CSMD1: variants seen among roughly 807,000 people sequenced by gnomAD.
CSMD1 encodes CUB and sushi domain-containing protein 1.
CSMD1 carries 213 observed loss-of-function variants against 417.5 expected under a neutral mutation model. The ratio of observed to expected loss-of-function variants is 0.51; its 90% confidence interval spans 0.46 to 0.57. The LOEUF (loss-of-function observed/expected upper bound fraction) is 0.57. Among genes scored for constraint, CSMD1 ranks in the 20% least tolerant of loss-of-function variants. The pLI is 0.00. For missense variants in CSMD1, 6,923 were observed against 4,529.7 expected (o/e 1.53, Z -15.17); for synonymous variants, 2,862 against 1,736.8 (o/e 1.65, Z -16.11).
chr8:4,023,237 C>G (rs1796877589), intron 4 of CSMD1, among the ~76,000 whole-genome samples: 2 of 152,172 alleles, frequency 1.3e-5, no homozygotes, highest in South Asian at 4.1e-4. Context: ...GTGGCCATCT[C>G]CAAATCACCG....
At chr8:4,555,255 T>A (rs1798036261) in intron 2 of CSMD1, among the ~76,000 whole-genome samples, 1 of 152,022 alleles carries the variant, frequency 6.6e-6, no homozygotes, top group Admixed American at 6.6e-5. Flanking sequence ...TGAGAGGAGA[T>A]GGCTGTTCGG....
rs1463120182 is a variant in CSMD1 at position 2,965,900 on chromosome 8, T to A, written c.9155A>T (p.Asp3052Val). The A allele has an allele frequency of 6.2e-7, 1 of 1,610,486 alleles. No homozygotes were observed. The change falls in exon 59 of 70, where the codon GAC (aspartate) becomes GTC (valine). Residue 3052 changes from aspartate to valine, a missense_variant. Transcript: ENST00000635120. ...TLANGIQFGT[D>V]FTFNKTVSYQ... ...GCTCACAGTCTTGTTGAAGGTGAAG[T>A]CGGTCCCAAACTGGATGCCATTTGC...
intron 3 of CSMD1, among the ~76,000 whole-genome samples, chr8:4,219,506 A>G (rs915892669): frequency 6.6e-6 from 1 of 152,190 alleles, no homozygotes; most frequent in Non-Finnish European, 1.5e-5. Context: ...GGTGTTCCCA[A>G]CATTTCTCGT....
intron 2 of CSMD1, among the ~76,000 whole-genome samples, chr8:4,586,554 C>T (rs901550577): frequency 2.6e-5 from 4 of 151,838 alleles, no homozygotes; most frequent in African/African-American, 4.9e-5. Context: ...TTTTTATGGA[C>T]GTAACCTTTT....
At chr8:3,795,066 A>ATCTATCATGTATAGCTATAGATATG (rs1799970913) in intron 5 of CSMD1, among the ~76,000 whole-genome samples, 2 of 81,722 alleles carry the variant, frequency 2.4e-5, no homozygotes, top group African/African-American at 6.8e-5. Flanking sequence ...CTATAGATAT[A>ATCTATCATGTATAGCTATAGATATG]TATCTATCAT....
chr8:3,692,856 G>GA (rs1800328728), intron 7 of CSMD1, among the ~76,000 whole-genome samples: 1 of 151,994 alleles, frequency 6.6e-6, no homozygotes, highest in Non-Finnish European at 1.5e-5. Context: ...TGTTTCTTTG[G>GA]AAAAATGTTA....
intron 5 of CSMD1, among the ~76,000 whole-genome samples, chr8:3,825,077 T>C (rs1349996864): frequency 6.6e-6 from 1 of 152,200 alleles, no homozygotes; most frequent in Non-Finnish European, 1.5e-5. Flanking sequence ...TCTAGGTATG[T>C]GTGCTTTATT....
chr8:3,537,320 A>G (rs1252616333), intron 10 of CSMD1, among the ~76,000 whole-genome samples: 1 of 152,216 alleles, frequency 6.6e-6, no homozygotes, highest in East Asian at 1.9e-4. Context: ...TCTTGCTTAT[A>G]TGACTCATAT....
At chr8:3,169,664 T>C (rs939811011) in intron 37 of CSMD1, among the ~76,000 whole-genome samples, 3 of 152,220 alleles carry the variant, frequency 2.0e-5, no homozygotes, top group Non-Finnish European at 4.4e-5. Context: ...ATGTTATTTA[T>C]ATTTTTATCA....
At chr8:4,011,290 T>C (rs1313274867) in intron 4 of CSMD1, among the ~76,000 whole-genome samples, 3 of 152,220 alleles carry the variant, frequency 2.0e-5, no homozygotes, top group Non-Finnish European at 2.9e-5. Flanking sequence ...TTTGTGTTTT[T>C]AGTGGAGAAT....
intron 1 of CSMD1, among the ~76,000 whole-genome samples, chr8:4,789,697 A>G (rs1477886671): frequency 1.3e-5 from 2 of 152,180 alleles, no homozygotes; most frequent in Non-Finnish European, 2.9e-5. Flanking sequence ...GTACTTATTT[A>G]TGATCCTGTA....
At position 4,610,372 on chromosome 8, in the gene CSMD1, T is replaced by C. The variant is rs150883486; in HGVS notation, c.302+26970A>G. Among the ~76,000 whole-genome samples, 261 of 152,324 alleles carry C rather than the reference T, an allele frequency of 1.7e-3. 1 individual carries two copies. The highest frequency in any genetic ancestry group is 6.0e-3 in the African/African-American group (251 of 41,562). On this transcript the variant is annotated intron_variant, in intron 2 of 69. Coordinates refer to ENST00000635120, the MANE Select transcript of CSMD1 (RefSeq NM_033225.6). ...TGTGAGTCACATCAATCATTTAATC[T>C]TTCTAATGACACCATGCAGAAAGTT...
chr8:3,856,754 T>C lies in CSMD1; in HGVS notation c.819-102712A>G, dbSNP rs564160188. On this transcript the variant is annotated intron_variant, in intron 5 of 69. Coordinates refer to ENST00000635120, the MANE Select transcript of CSMD1 (RefSeq NM_033225.6). ...TTCAAAGCCTGTGTTTCCTTTGCCATGGTGTCTTTGTCTCTGAAGGAGACT... is the reference window on the plus strand; with the variant it reads ...TTCAAAGCCTGTGTTTCCTTTGCCACGGTGTCTTTGTCTCTGAAGGAGACT... Among the ~76,000 whole-genome samples the C allele has an allele frequency of 2.0e-3, 311 of 152,274 alleles. 1 individual carries two copies. Among genetic ancestry groups the C allele is most frequent in the Non-Finnish European group, 2.1e-3 (145 of 68,010 alleles).
At chr8:4,840,463 T>C (rs761743454) in intron 1 of CSMD1, among the ~76,000 whole-genome samples, 4 of 152,214 alleles carry the variant, frequency 2.6e-5, no homozygotes, top group Non-Finnish European at 5.9e-5. Context: ...ACATACGATA[T>C]AACACGTTAG....
At chr8:4,911,713 T>G (rs1805683034) in intron 1 of CSMD1, among the ~76,000 whole-genome samples, 1 of 152,100 alleles carries the variant, frequency 6.6e-6, no homozygotes, top group Admixed American at 6.5e-5. Flanking sequence ...ACCCAGAAAC[T>G]GAATCAACTC....
chr8:4,933,081 C>T (rs1362663712), intron 1 of CSMD1, among the ~76,000 whole-genome samples: 5 of 140,652 alleles, frequency 3.6e-5, no homozygotes, highest in Admixed American at 6.9e-5. Flanking sequence ...CTTTCTTTTG[C>T]GGCTTGAAGT....
At chr8:3,231,528 T>A (rs1242029652) in intron 26 of CSMD1, among the ~76,000 whole-genome samples, 1 of 152,166 alleles carries the variant, frequency 6.6e-6, no homozygotes, top group African/African-American at 2.4e-5. Flanking sequence ...TATGTCTACA[T>A]ATGGATAGAT....
intron 3 of CSMD1, among the ~76,000 whole-genome samples, chr8:4,147,208 G>A (rs1804191849): frequency 6.6e-6 from 1 of 151,786 alleles, no homozygotes. Context: ...CACAACTACT[G>A]AAAAAGAAAG....
intron 3 of CSMD1, among the ~76,000 whole-genome samples, chr8:4,065,611 C>A (rs554276441): frequency 6.6e-6 from 1 of 152,208 alleles, no homozygotes; most frequent in African/African-American, 2.4e-5. Context: ...GTAAAGGAGA[C>A]TCATGAATGA....
Sources: gnomAD v4.1 joint callset for allele counts (sites outside exome capture counted in the v4.1 genomes callset) on GRCh38, gnomAD v4.1.1 for gene constraint, MANE v1.5 for transcripts, NCBI Gene and HGNC (gene_info 2026-07-23, HGNC 2026-07-21) for gene names.